GRM3: variants seen among roughly 807,000 people sequenced by gnomAD.
The protein encoded by GRM3 is metabotropic glutamate receptor 3.
GRM3 carries 26 observed loss-of-function variants against 70.5 expected under a neutral mutation model. The observed-to-expected ratio is 0.37, with a 90% CI of 0.27 to 0.51. The LOEUF (loss-of-function observed/expected upper bound fraction) is 0.51. GRM3 is among the 20% of genes least tolerant of loss of function. The pLI, the probability that GRM3 is intolerant of heterozygous loss-of-function variation, is 0.93. For synonymous variants in GRM3, 443 were observed against 434.9 expected (o/e 1.02, Z -0.23); for missense variants, 859 against 1,123.8 (o/e 0.76, Z 3.37).
chr7:86,669,219 T>A (rs1794108893), intron 1 of GRM3, among the ~76,000 whole-genome samples: 1 of 152,084 alleles, frequency 6.6e-6, no homozygotes, highest in South Asian at 2.1e-4. Flanking sequence ...TGCCCACACC[T>A]CACCCCACTC....
chr7:86,768,077 T>C (rs915151889), intron 2 of GRM3, among the ~76,000 whole-genome samples: 5 of 152,186 alleles, frequency 3.3e-5, no homozygotes, highest in Non-Finnish European at 5.9e-5. Flanking sequence ...GGAAACAGTG[T>C]AGATTTTGGC....
chr7:86,786,151 G>C lies in GRM3; in HGVS notation c.469-110G>C. The C allele has an allele frequency of 1.1e-6, 1 of 880,848 alleles. No homozygotes were observed. The highest frequency in any genetic ancestry group is 1.8e-6 in the Non-Finnish European group (1 of 560,960). The allele number at this position is 880,848 out of a possible 1,614,324, so 54.6% of individuals were successfully genotyped here. A position where few individuals can be genotyped will look rare whatever the true frequency, so the allele number is the denominator to read the frequency against. ...ACTAACAGAAAAATGTAGCCATCTA[G>C]AGTAGAGGGAAAAGGGAGTCAGTAA... On this transcript the variant is annotated intron_variant, in intron 2 of 5. Coordinates refer to ENST00000361669, the MANE Select transcript of GRM3 (RefSeq NM_000840.3). This position sits in a 1 kb window ranked among gnomAD's most constrained non-coding sequence, Gnocchi z 6.0.
chr7:86,726,767 A>G (rs1795602857), intron 1 of GRM3, among the ~76,000 whole-genome samples: 1 of 152,250 alleles, frequency 6.6e-6, no homozygotes, highest in African/African-American at 2.4e-5. Flanking sequence ...TTCACTGTTC[A>G]GCTAATCTGA....
chr7:86,780,235 A>AC (rs1294858140), intron 2 of GRM3, among the ~76,000 whole-genome samples: 17 of 152,310 alleles, frequency 1.1e-4, no homozygotes, highest in African/African-American at 4.1e-4. Context: ...TTGGGTATAT[A>AC]CCAGTAATGG....
chr7:86,698,520 T>TTATATA (rs570784350), intron 1 of GRM3, among the ~76,000 whole-genome samples: 65 of 142,150 alleles, frequency 4.6e-4, no homozygotes, highest in African/African-American at 1.6e-3. Flanking sequence ...TAAAAAGTAT[T>TTATATA]TATATATATA....
intron 3 of GRM3, among the ~76,000 whole-genome samples, chr7:86,825,454 C>T (rs1175049541): frequency 1.3e-5 from 2 of 152,178 alleles, no homozygotes; most frequent in African/African-American, 2.4e-5. Flanking sequence ...AGACAGAAGA[C>T]TAAGCTATGC....
chr7:86,815,326 C>T (rs574777705), intron 3 of GRM3, among the ~76,000 whole-genome samples: 99 of 151,914 alleles, frequency 6.5e-4, no homozygotes, highest in African/African-American at 2.3e-3. Context: ...TCTATGGATA[C>T]CTCTACATCA....
At chr7:86,647,455 C>G (rs1436659736) in intron 1 of GRM3, among the ~76,000 whole-genome samples, 1 of 152,160 alleles carries the variant, frequency 6.6e-6, no homozygotes, top group Non-Finnish European at 1.5e-5. Flanking sequence ...AATACCTAAT[C>G]ACTATTGTAA....
intron 1 of GRM3, among the ~76,000 whole-genome samples, chr7:86,646,043 G>A (rs1203219643): frequency 6.8e-6 from 1 of 146,008 alleles, no homozygotes; most frequent in Non-Finnish European, 1.5e-5. Flanking sequence ...GGTGGAGTCT[G>A]CTTTGGTTTA....
At chr7:86,719,240 A>G (rs1356384456) in intron 1 of GRM3, among the ~76,000 whole-genome samples, 2 of 152,050 alleles carry the variant, frequency 1.3e-5, no homozygotes, top group Non-Finnish European at 2.9e-5. Flanking sequence ...TATTTAGTAT[A>G]AAATCAAAGT....
intron 3 of GRM3, among the ~76,000 whole-genome samples, chr7:86,817,788 T>C (rs867182964): frequency 6.6e-6 from 1 of 152,000 alleles, no homozygotes; most frequent in African/African-American, 2.4e-5. Flanking sequence ...TCTGCCTTCA[T>C]GGAAGTTACA....
At chr7:86,730,869 A>C (rs1584199172) in intron 1 of GRM3, among the ~76,000 whole-genome samples, 1 of 152,130 alleles carries the variant, frequency 6.6e-6, no homozygotes, top group East Asian at 1.9e-4. Context: ...CTCTGCCCTC[A>C]TTTTCACGGA....
At chr7:86,699,675 T>C (rs78160784) in intron 1 of GRM3, among the ~76,000 whole-genome samples, 2,477 of 152,074 alleles carry the variant, frequency 0.016, 60 homozygotes, top group African/African-American at 0.055. Context: ...ATACCTTCTA[T>C]CACATACTGA....
At chr7:86,842,315 C>A (rs897354125) in intron 4 of GRM3, among the ~76,000 whole-genome samples, 1 of 152,154 alleles carries the variant, frequency 6.6e-6, no homozygotes, top group African/African-American at 2.4e-5. Flanking sequence ...AGAAACTTTA[C>A]ATAAATATCC....
Position 86,741,317 on chromosome 7 carries a change from A to G in GRM3, c.-140-23689A>G, listed in dbSNP as rs186462333. On this transcript the variant is annotated intron_variant, in intron 1 of 5. Transcript: ENST00000361669. ...GACAGGAAAACCACAACTGCTTCTA[A>G]AAAACATTCAGTTTATATAGCACTT... Among the ~76,000 whole-genome samples, 449 of 152,236 alleles carry G rather than the reference A, an allele frequency of 2.9e-3. 4 individuals carry two copies. Among genetic ancestry groups the G allele is most frequent in the Admixed American group, 6.3e-3 (97 of 15,278 alleles).
chr7:86,736,925 C>G (rs1006877807), intron 1 of GRM3, among the ~76,000 whole-genome samples: 1 of 151,940 alleles, frequency 6.6e-6, no homozygotes, highest in African/African-American at 2.4e-5. Flanking sequence ...TAACCCATAT[C>G]TAATGAGATT....
intron 1 of GRM3, among the ~76,000 whole-genome samples, chr7:86,718,704 G>T (rs1442054489): frequency 6.6e-6 from 1 of 151,928 alleles, no homozygotes. Context: ...GAACACCCGG[G>T]TGACAGTAGC....
intron 3 of GRM3, among the ~76,000 whole-genome samples, chr7:86,823,941 A>C (rs895562368): frequency 1.1e-4 from 16 of 152,148 alleles, no homozygotes; most frequent in South Asian, 1.0e-3. Flanking sequence ...TGAATGGCAG[A>C]TCTTCCTTCC....
intron 3 of GRM3, among the ~76,000 whole-genome samples, chr7:86,813,559 C>A (rs1211802376): frequency 6.6e-6 from 1 of 151,704 alleles, no homozygotes; most frequent in Non-Finnish European, 1.5e-5. Flanking sequence ...CCTTAGCATG[C>A]TAGCTTGGTT....
Sources: gnomAD v4.1 joint callset for allele counts (sites outside exome capture counted in the v4.1 genomes callset) on GRCh38, gnomAD v4.1.1 for gene constraint, Gnocchi (gnomAD v3.1) non-coding constraint, MANE v1.5 for transcripts, NCBI Gene and HGNC (gene_info 2026-07-23, HGNC 2026-07-21) for gene names.